Variants in SPIDR observed in about 807,000 individuals in gnomAD.
The protein encoded by SPIDR is DNA repair-scaffolding protein.
Under a neutral mutation model 104.6 loss-of-function variants are expected in SPIDR, and 93 were observed. The observed-to-expected ratio is 0.89, with a 90% CI of 0.75 to 1.06. The LOEUF (loss-of-function observed/expected upper bound fraction) is 1.06. Ranked by LOEUF, SPIDR falls within the 50% of genes least tolerant of loss-of-function variation. The probability of loss-of-function intolerance (pLI) is 0.00; values close to 1 mark genes in which losing one functional copy is unlikely to be tolerated. For synonymous variants in SPIDR, 431 were observed against 416.9 expected (o/e 1.03, Z -0.41); for missense variants, 1,154 against 1,111.2 (o/e 1.04, Z -0.55).
intron 5 of SPIDR, among the ~76,000 whole-genome samples, chr8:47,350,801 C>T (rs1466562915): frequency 6.6e-6 from 1 of 152,184 alleles, no homozygotes; most frequent in Non-Finnish European, 1.5e-5. Flanking sequence ...CTGTGTGATA[C>T]ACAGTAATCC....
intron 16 of SPIDR, among the ~76,000 whole-genome samples, chr8:47,721,843 T>C (rs2083447084): frequency 6.6e-6 from 1 of 152,192 alleles, no homozygotes; most frequent in Non-Finnish European, 1.5e-5. Flanking sequence ...TGTTCTTCAA[T>C]ATTGTCTTGG....
chr8:47,512,309 TCGTC>T (rs1381779734), intron 8 of SPIDR, among the ~76,000 whole-genome samples: 6 of 152,146 alleles, frequency 3.9e-5, no homozygotes, highest in Non-Finnish European at 8.8e-5. Context: ...CTTGTGTTGT[TCGTC>T]TCACCCTGTC....
At chr8:47,416,402 CCA>C (rs1211025592) in intron 7 of SPIDR, among the ~76,000 whole-genome samples, 1 of 152,078 alleles carries the variant, frequency 6.6e-6, no homozygotes, top group South Asian at 2.1e-4. Context: ...TACAAATGTG[CCA>C]CAGTTTGTTG....
At chr8:47,324,083 C>A (rs2047251921) in intron 5 of SPIDR, among the ~76,000 whole-genome samples, 2 of 151,978 alleles carry the variant, frequency 1.3e-5, no homozygotes, top group African/African-American at 4.8e-5. Flanking sequence ...TTTCTAGAGA[C>A]CTTATTCTGT....
chr8:47,648,064 A>T (rs1366932513), intron 10 of SPIDR, among the ~76,000 whole-genome samples: 1 of 152,200 alleles, frequency 6.6e-6, no homozygotes, highest in Admixed American at 6.5e-5. Context: ...GCCATTAGAA[A>T]ATCTGGAACC....
chr8:47,724,757 G>A (rs2154492851), intron 16 of SPIDR, among the ~76,000 whole-genome samples: 1 of 152,318 alleles, frequency 6.6e-6, no homozygotes, highest in East Asian at 1.9e-4. Context: ...TGTCCATCCA[G>A]GTCTCAGTGA....
At chr8:47,513,991 G>A (rs921728139) in intron 8 of SPIDR, among the ~76,000 whole-genome samples, 2 of 152,110 alleles carry the variant, frequency 1.3e-5, no homozygotes, top group Admixed American at 1.3e-4. Context: ...CTCACCATGG[G>A]TTCTATAATG....
intron 10 of SPIDR, among the ~76,000 whole-genome samples, chr8:47,669,888 T>TG (rs2075565963): frequency 6.6e-6 from 1 of 151,060 alleles, no homozygotes; most frequent in Non-Finnish European, 1.5e-5. Context: ...TAGTCCCAGC[T>TG]ACTCGGGAGG....
chr8:47,611,509 T>C (rs1399265611), intron 10 of SPIDR, among the ~76,000 whole-genome samples: 1 of 151,962 alleles, frequency 6.6e-6, no homozygotes, highest in Non-Finnish European at 1.5e-5. Flanking sequence ...CCATCCTGGC[T>C]AACACAGTGA....
At chr8:47,268,502 C>T (rs2034561000) in intron 1 of SPIDR, among the ~76,000 whole-genome samples, 1 of 152,174 alleles carries the variant, frequency 6.6e-6, no homozygotes, top group Non-Finnish European at 1.5e-5. Flanking sequence ...CTATGTTTTA[C>T]AGTTTTCAGT....
intron 10 of SPIDR, among the ~76,000 whole-genome samples, chr8:47,620,822 T>C (rs1332008328): frequency 1.3e-5 from 2 of 150,446 alleles, no homozygotes; most frequent in East Asian, 4.0e-4. Flanking sequence ...TTCACCATGT[T>C]GGCCAGGATG....
At chr8:47,441,657 G>C (rs2069462412) in intron 8 of SPIDR, among the ~76,000 whole-genome samples, 1 of 151,992 alleles carries the variant, frequency 6.6e-6, no homozygotes, top group Non-Finnish European at 1.5e-5. Flanking sequence ...GTTTTTCTGT[G>C]GTTGATTTTA....
Position 47,317,297 on chromosome 8 carries a change from G to A in SPIDR, c.525+23267G>A, listed in dbSNP as rs987754916. Among the ~76,000 whole-genome samples, 33 of 152,272 alleles carry A rather than the reference G, an allele frequency of 2.2e-4. 1 individual carries two copies. The highest frequency in any genetic ancestry group is 2.2e-3 in the Admixed American group (33 of 15,296). ...ATGGTCTTAGCAGATGGCACACCAG[G>A]AGATTGTATCCCACGCCTGGCTCGG... On this transcript the variant is annotated intron_variant, in intron 5 of 19. Transcript: ENST00000297423.
intron 8 of SPIDR, among the ~76,000 whole-genome samples, chr8:47,441,962 A>T (rs1375269468): frequency 6.6e-6 from 1 of 152,028 alleles, no homozygotes; most frequent in African/African-American, 2.4e-5. Flanking sequence ...ACCTACATAT[A>T]TTTTGGGCTA....
At chr8:47,518,758 T>C (rs1473737615) in intron 8 of SPIDR, among the ~76,000 whole-genome samples, 1 of 151,722 alleles carries the variant, frequency 6.6e-6, no homozygotes, top group Non-Finnish European at 1.5e-5. Flanking sequence ...TGCCTCAGCC[T>C]CCCAAGTAGC....
chr8:47,652,223 AG>A (rs1404211989), intron 10 of SPIDR, among the ~76,000 whole-genome samples: 5 of 146,838 alleles, frequency 3.4e-5, no homozygotes, highest in African/African-American at 1.4e-4. Context: ...ACTTTCTCAA[AG>A]GTTGGCAGGA....
chr8:47,621,689 C>G lies in SPIDR; in HGVS notation c.1544+22493C>G, dbSNP rs183353103. On this transcript the variant is annotated intron_variant, in intron 10 of 19. Coordinates refer to ENST00000297423, the MANE Select transcript of SPIDR (RefSeq NM_001080394.4). ...GGTGTGCTCAGTTCTAAGTTGAGTG[C>G]CTAGACTACAGTCAGATTTTCAAAC... Among the ~76,000 whole-genome samples the G allele has an allele frequency of 6.4e-4, 98 of 152,286 alleles. 1 individual carries two copies. In the East Asian group the frequency reaches 8.7e-3, roughly 14 times the overall value.
chr8:47,620,411 A>G (rs1377942938), intron 10 of SPIDR, among the ~76,000 whole-genome samples: 2 of 150,128 alleles, frequency 1.3e-5, no homozygotes, highest in Non-Finnish European at 2.9e-5. Context: ...AGTAACTGGG[A>G]TTACAGGCAC....
intron 16 of SPIDR, among the ~76,000 whole-genome samples, chr8:47,719,844 A>G (rs1359366227): frequency 6.6e-6 from 1 of 152,188 alleles, no homozygotes; most frequent in African/African-American, 2.4e-5. Flanking sequence ...TTACATTTAC[A>G]GGAGCCAGGG....
Sources: gnomAD v4.1 joint callset for allele counts (sites outside exome capture counted in the v4.1 genomes callset) on GRCh38, gnomAD v4.1.1 for gene constraint, MANE v1.5 for transcripts, NCBI Gene and HGNC (gene_info 2026-07-23, HGNC 2026-07-21) for gene names.